The following TMEM163 variants were observed in gnomAD, a reference collection of about 807,000 sequenced individuals.
TMEM163 encodes transmembrane protein 163.
In TMEM163, 17 loss-of-function variants were observed where a neutral mutation model predicts 29.3. That is an observed-to-expected ratio of 0.58 (90% CI 0.40 to 0.87). The LOEUF (loss-of-function observed/expected upper bound fraction) is 0.87. Among genes scored for constraint, TMEM163 ranks in the 40% least tolerant of loss-of-function variants. The pLI is 0.00. For synonymous variants in TMEM163, 157 were observed against 160.6 expected (o/e 0.98, Z 0.17); for missense variants, 303 against 381.5 (o/e 0.79, Z 1.71).
intron 5 of TMEM163, among the ~76,000 whole-genome samples, chr2:134,489,984 G>A (rs1679395523): frequency 6.6e-6 from 1 of 152,184 alleles, no homozygotes; most frequent in Non-Finnish European, 1.5e-5. Flanking sequence ...ATGGCCACGT[G>A]CACACATGAA....
In TMEM163 at chr2:134,574,559, TCAAAACAAAAA is replaced by T. The variant is rs201066741; in HGVS notation, c.323-22479_323-22469del. On this transcript the variant is annotated intron_variant, in intron 2 of 7. Transcript: ENST00000281924. The stretch of plus-strand genomic sequence containing the variant: ...TGGGCAACAAGAGAGAAACCCTGTC[TCAAAACAAAAA>T]CAAAACAAAAAAAATCTAGGAAGAT... 3.0e-3 allele frequency among the ~76,000 whole-genome samples: 460 copies of T among 152,242 alleles called. 7 individuals are homozygous for T. Among genetic ancestry groups the T allele is most frequent in the African/African-American group, 0.01 (429 of 41,544 alleles).
intron 5 of TMEM163, among the ~76,000 whole-genome samples, chr2:134,497,881 C>G (rs1011653040): frequency 2.0e-5 from 3 of 152,156 alleles, no homozygotes; most frequent in African/African-American, 4.8e-5. Flanking sequence ...TCCAGGGACC[C>G]CACAAGGCCA....
intron 2 of TMEM163, among the ~76,000 whole-genome samples, chr2:134,674,052 A>G (rs191068114): frequency 1.6e-3 from 250 of 152,352 alleles, no homozygotes; most frequent in Non-Finnish European, 3.1e-3. Flanking sequence ...TATGGTGCAT[A>G]TGTACAATGA....
chr2:134,549,252 G>A (rs1680856220), intron 4 of TMEM163, among the ~76,000 whole-genome samples: 1 of 152,046 alleles, frequency 6.6e-6, no homozygotes, highest in Admixed American at 6.6e-5. Context: ...TTTCCATCTG[G>A]CATATTCAAT....
intron 1 of TMEM163, 149 bp downstream of exon 1, chr2:134,718,585 G>C: frequency 4.0e-6 from 2 of 501,714 alleles, no homozygotes; most frequent in African/African-American, 2.1e-5. Flanking sequence ...TGCCGCTCTC[G>C]GCTAGCGGCG....
intron 5 of TMEM163, among the ~76,000 whole-genome samples, chr2:134,476,623 A>G (rs1481317070): frequency 2.0e-5 from 3 of 152,188 alleles, no homozygotes. Context: ...CATTATTGGA[A>G]TGTACAGTAA....
At chr2:134,461,277 T>A (rs905166521) in intron 6 of TMEM163, among the ~76,000 whole-genome samples, 1 of 152,222 alleles carries the variant, frequency 6.6e-6, no homozygotes, top group South Asian at 2.1e-4. Flanking sequence ...ATCTGTGTAG[T>A]TAAAAACATT....
chr2:134,648,799 C>A (rs995329553), intron 2 of TMEM163, among the ~76,000 whole-genome samples: 1 of 152,148 alleles, frequency 6.6e-6, no homozygotes. Flanking sequence ...TTCCTGCCAA[C>A]AGTATTAAAC....
At position 134,456,638 on chromosome 2, in the gene TMEM163, T is replaced by A; in HGVS notation, c.*78A>T. The A allele has an allele frequency of 6.6e-7, 1 of 1,513,572 alleles. No homozygotes were observed. The highest frequency in any genetic ancestry group is 1.4e-5 in the African/African-American group (1 of 72,648). The allele number at this position is 1,513,572 out of a possible 1,614,324, so 93.8% of individuals were successfully genotyped here. A position where few individuals can be genotyped will look rare whatever the true frequency, so the allele number is the denominator to read the frequency against. ...AGAAAACTTCCAAAAAGAAACCAGATGTTCAGTTAAATATTGGCACCCTTT... is the reference window on the plus strand; with the variant it reads ...AGAAAACTTCCAAAAAGAAACCAGAAGTTCAGTTAAATATTGGCACCCTTT... On this transcript the variant is annotated 3_prime_UTR_variant, in exon 8 of 8. Transcript: ENST00000281924.
chr2:134,495,612 T>G (rs531651977), intron 5 of TMEM163, among the ~76,000 whole-genome samples: 8 of 152,262 alleles, frequency 5.3e-5, no homozygotes, highest in African/African-American at 1.9e-4. Context: ...GGCTTCCAAA[T>G]CGTTACACAA....
chr2:134,549,103 TA>T (rs35128948), intron 4 of TMEM163, among the ~76,000 whole-genome samples: 15,875 of 144,238 alleles, frequency 0.11, 1,353 homozygotes, highest in African/African-American at 0.24. Context: ...CTTAATTTGT[TA>T]AAAAAAAAAA....
intron 2 of TMEM163, among the ~76,000 whole-genome samples, chr2:134,695,169 C>T (rs894567041): frequency 7.9e-5 from 12 of 152,078 alleles, no homozygotes; most frequent in Admixed American, 5.2e-4. Flanking sequence ...CTCCGCCTCC[C>T]GGATTCAAGC....
chr2:134,651,388 G>C (rs1271558112), intron 2 of TMEM163, among the ~76,000 whole-genome samples: 2 of 136,770 alleles, frequency 1.5e-5, no homozygotes, highest in African/African-American at 3.2e-5. Context: ...TTTTGATGGG[G>C]TTGTTTGTTT....
At chr2:134,592,068 T>C (rs1425950936) in intron 2 of TMEM163, among the ~76,000 whole-genome samples, 1 of 152,168 alleles carries the variant, frequency 6.6e-6, no homozygotes, top group Non-Finnish European at 1.5e-5. Flanking sequence ...AAGGAGAGTG[T>C]TACAGGCCAT....
intron 2 of TMEM163, among the ~76,000 whole-genome samples, chr2:134,617,953 A>C (rs1224100489): frequency 6.6e-6 from 1 of 151,994 alleles, no homozygotes; most frequent in Non-Finnish European, 1.5e-5. Context: ...TCTACCAAAA[A>C]ATTTTTTTTC....
intron 4 of TMEM163, among the ~76,000 whole-genome samples, chr2:134,531,845 C>T (rs150929222): frequency 3.0e-4 from 45 of 152,308 alleles, no homozygotes; most frequent in African/African-American, 1.1e-3. Flanking sequence ...CTTTCAGTCC[C>T]TCTCTCCTTG....
chr2:134,511,447 G>T (rs543549), intron 4 of TMEM163, among the ~76,000 whole-genome samples: 52,609 of 152,160 alleles, frequency 0.35, 9,688 homozygotes, highest in South Asian at 0.59. Flanking sequence ...AAAGTCAGGA[G>T]ACGCAACCTG....
chr2:134,471,590 C>T (rs1057321270), intron 5 of TMEM163, among the ~76,000 whole-genome samples: 8 of 152,178 alleles, frequency 5.3e-5, no homozygotes, highest in African/African-American at 1.9e-4. Context: ...CAAGCTAAGA[C>T]AGTCTCTAAG....
intron 5 of TMEM163, among the ~76,000 whole-genome samples, chr2:134,499,973 G>C (rs1458657207): frequency 6.6e-6 from 1 of 152,164 alleles, no homozygotes; most frequent in East Asian, 1.9e-4. Context: ...CTCTCAACCA[G>C]AGTTTTCAAA....
Sources: gnomAD v4.1 joint callset for allele counts (sites outside exome capture counted in the v4.1 genomes callset) on GRCh38, gnomAD v4.1.1 for gene constraint, MANE v1.5 for transcripts, NCBI Gene and HGNC (gene_info 2026-07-23, HGNC 2026-07-21) for gene names.